ATG3: variants seen among roughly 807,000 people sequenced by gnomAD.
The protein encoded by ATG3 is ubiquitin-like-conjugating enzyme ATG3.
In ATG3, 25 loss-of-function variants were observed where a neutral mutation model predicts 50.7. The ratio of observed to expected loss-of-function variants is 0.49; its 90% CI spans 0.36 to 0.69. ATG3 has a LOEUF of 0.69. Ranked by LOEUF, ATG3 falls within the 30% of genes least tolerant of loss-of-function variation. ATG3 has a pLI of 0.00. For synonymous variants in ATG3, 119 were observed against 125.5 expected (o/e 0.95, Z 0.34); for missense variants, 281 against 376.0 (o/e 0.75, Z 2.09).
chr3:112,552,669 C>T (rs184844071), intron 3 of ATG3, among the ~76,000 whole-genome samples: 165 of 143,548 alleles, frequency 1.1e-3, no homozygotes, highest in South Asian at 1.3e-3. Flanking sequence ...TTTTTTGAGA[C>T]GGGAGCCTCT....
intron 10 of ATG3, chr3:112,535,601 G>A (rs773723974): frequency 2.6e-5 from 4 of 152,072 alleles, no homozygotes; most frequent in Non-Finnish European, 4.4e-5. Context: ...AGTTAGCAAA[G>A]TTTCAGACAT....
chr3:112,558,112 G>A (rs1030136228), intron 2 of ATG3: 3 of 430,830 alleles, frequency 7.0e-6, no homozygotes, highest in Middle Eastern at 6.2e-4. Flanking sequence ...AAGGATAAGT[G>A]ACATAGGACT....
intron 3 of ATG3, 59 bp from the exon 4 acceptor site, chr3:112,550,321 G>A (rs1933495192): frequency 3.9e-6 from 5 of 1,297,064 alleles, no homozygotes; most frequent in South Asian, 1.3e-5. Context: ...CAAATATACA[G>A]CAGAAAGTAT....
intron 4 of ATG3, 99 bp downstream of exon 4, chr3:112,550,093 A>G (rs565861432): frequency 4.9e-6 from 4 of 823,036 alleles, no homozygotes; most frequent in Non-Finnish European, 7.6e-6. Flanking sequence ...AAGAGGTGAT[A>G]AAACTAAGGA....
chr3:112,558,144 CCT>C, intron 2 of ATG3: 1 of 501,514 alleles, frequency 2.0e-6, no homozygotes, highest in Middle Eastern at 5.3e-4. Context: ...CTTCTTTCAC[CCT>C]CATTTCTAAA....
intron 1 of ATG3, among the ~76,000 whole-genome samples, 161 bp downstream of exon 1, chr3:112,561,296 G>A (rs1428984835): frequency 6.6e-6 from 1 of 152,154 alleles, no homozygotes; most frequent in East Asian, 1.9e-4. Flanking sequence ...ACGAACAGCC[G>A]GTTAAGACTA....
At chr3:112,554,157 G>A (rs1186235680) in intron 2 of ATG3, among the ~76,000 whole-genome samples, 1 of 151,870 alleles carries the variant, frequency 6.6e-6, no homozygotes, top group African/African-American at 2.4e-5. Flanking sequence ...ATTTAAGTCT[G>A]TTAAGCATAA....
At chr3:112,550,519 G>T (rs1933499445) in intron 3 of ATG3, among the ~76,000 whole-genome samples, 1 of 152,174 alleles carries the variant, frequency 6.6e-6, no homozygotes, top group Non-Finnish European at 1.5e-5. Context: ...GACAAAAAAG[G>T]TAGAATAATA....
Position 112,532,605 on chromosome 3 carries a change from GTA to G in ATG3, c.*92_*93del. The G allele has an allele frequency of 2.2e-6, 2 of 891,004 alleles. No individual in the cohort carries two copies. The allele number at this position is 891,004 out of a possible 1,614,324, so 55.2% of individuals were successfully genotyped here. ...ATATAAGTCCCTTATTAGAGAAACT[GTA>G]TATATTGATGAATATGGTCAATGGT... On this transcript the variant is annotated 3_prime_UTR_variant, in exon 12 of 12. Coordinates refer to ENST00000283290, the MANE Select transcript of ATG3 (RefSeq NM_022488.5).
At chr3:112,533,406 G>A in intron 11 of ATG3, 1 of 985,188 alleles carries the variant, frequency 1.0e-6, no homozygotes, top group Middle Eastern at 5.2e-4. Context: ...AGATGTGCCA[G>A]TTAGGCATAA....
At chr3:112,537,579 G>T in intron 9 of ATG3, 156 bp downstream of exon 9, 1 of 515,848 alleles carries the variant, frequency 1.9e-6, no homozygotes, top group East Asian at 3.3e-5. Flanking sequence ...TTCAAAATAA[G>T]AAAGAATCAA....
At chr3:112,532,915 G>C (rs1450938007) in intron 11 of ATG3, 135 bp from the exon 12 acceptor site, 5 of 1,314,476 alleles carry the variant, frequency 3.8e-6, no homozygotes, top group Non-Finnish European at 3.9e-6. Flanking sequence ...GTCTATTAAA[G>C]AATTCAACTA....
intron 11 of ATG3, chr3:112,533,741 T>C (rs922363467): frequency 1.2e-5 from 12 of 985,308 alleles, no homozygotes; most frequent in Non-Finnish European, 1.3e-5. Context: ...GTATTACTTT[T>C]GTCAATCCAA....
In ATG3 at chr3:112,552,650, T is replaced by A. The variant is rs555076048; in HGVS notation, c.164+630A>T. Among the ~76,000 whole-genome samples the A allele has an allele frequency of 1.9e-3, 279 of 144,322 alleles. 2 individuals are homozygous for A. Among genetic ancestry groups the A allele is most frequent in the South Asian group, 0.013 (60 of 4,616 alleles). The allele number at this position is 144,322 out of a possible 152,430, so 94.7% of individuals were successfully genotyped here. A position where few individuals can be genotyped will look rare whatever the true frequency, so the allele number is the denominator to read the frequency against. ...TAAAAAAAAAAAACCTGTTCAAAAA[T>A]TTTTTTTTTTTTTTGAGACGGGAGC... is the stretch of plus-strand genomic sequence containing the variant. On this transcript the variant is annotated intron_variant, in intron 3 of 11. Coordinates refer to ENST00000283290, the MANE Select transcript of ATG3 (RefSeq NM_022488.5).
chr3:112,539,823 G>A (rs1460783314), intron 7 of ATG3, among the ~76,000 whole-genome samples: 1 of 151,950 alleles, frequency 6.6e-6, no homozygotes, highest in Admixed American at 6.6e-5. Context: ...CTATCTAGGG[G>A]GAATATAATA....
chr3:112,552,644 C>T (rs1397257022), intron 3 of ATG3, among the ~76,000 whole-genome samples: 4 of 149,156 alleles, frequency 2.7e-5, no homozygotes. Flanking sequence ...AAAACCTGTT[C>T]AAAAATTTTT....
intron 1 of ATG3, 79 bp downstream of exon 1, chr3:112,561,378 G>C (rs1933870331): frequency 6.8e-7 from 1 of 1,460,480 alleles, no homozygotes; most frequent in Non-Finnish European, 9.5e-7. Context: ...GCCGGAGAAA[G>C]CGGGGACTCC....
At chr3:112,542,630 C>CAAAACCAT (rs1376522214) in intron 6 of ATG3, among the ~76,000 whole-genome samples, 1 of 151,974 alleles carries the variant, frequency 6.6e-6, no homozygotes, top group South Asian at 2.1e-4. Context: ...CACAAAACCA[C>CAAAACCAT]AAAACCATCA....
At chr3:112,533,089 C>T (rs2082567810) in intron 11 of ATG3, 7 of 1,010,190 alleles carry the variant, frequency 6.9e-6, no homozygotes, top group Non-Finnish European at 7.1e-6. Flanking sequence ...AAAATGTACT[C>T]ATTTACTAGA....
Sources: allele counts gnomAD v4.1 joint callset (sites outside exome capture counted in the v4.1 genomes callset), GRCh38; gene constraint gnomAD v4.1.1; transcripts MANE v1.5; gene names NCBI Gene and HGNC (gene_info 2026-07-23, HGNC 2026-07-21).